The following CSGALNACT1 variants were observed in gnomAD, a reference collection of about 807,000 sequenced individuals.
The protein encoded by CSGALNACT1 is chondroitin sulfate N-acetylgalactosaminyltransferase 1.
Under a neutral mutation model 51.0 loss-of-function variants are expected in CSGALNACT1, and 52 were observed. The observed-to-expected ratio is 1.02, with a 90% confidence interval of 0.82 to 1.29. The LOEUF is 1.29. Among genes scored for constraint, CSGALNACT1 ranks in the 50% most tolerant of loss-of-function variants. CSGALNACT1 has a pLI of 0.00. For missense variants in CSGALNACT1, 935 were observed against 679.2 expected (o/e 1.38, Z -4.19); for synonymous variants, 341 against 254.4 (o/e 1.34, Z -3.24).
intron 1 of CSGALNACT1, among the ~76,000 whole-genome samples, chr8:19,630,031 C>A (rs1452017823): frequency 6.6e-6 from 1 of 152,094 alleles, no homozygotes; most frequent in Admixed American, 6.6e-5. Flanking sequence ...ATGAGTGTAG[C>A]CCCATGGATG....
At position 19,668,705 on chromosome 8, in the gene CSGALNACT1, C is replaced by G. The variant is rs191472064; in HGVS notation, c.-544+13768G>C. ...AAGTAGCTGGCATTAAAGGCGAGCG[C>G]CACCATGCCTGGCTGATTTTTGGAT... On this transcript the variant is annotated intron_variant, in intron 1 of 9. Transcript: ENST00000332246. 1.1e-3 allele frequency among the ~76,000 whole-genome samples: 171 copies of G among 152,256 alleles called. 2 individuals carry two copies. The highest frequency in any genetic ancestry group is 3.5e-3 in the African/African-American group (144 of 41,550).
At chr8:19,508,114 T>A (rs1019626020) in intron 3 of CSGALNACT1, among the ~76,000 whole-genome samples, 2 of 152,214 alleles carry the variant, frequency 1.3e-5, no homozygotes, top group African/African-American at 4.8e-5. Flanking sequence ...TTACTGGTAG[T>A]CTATCCTATT....
intron 1 of CSGALNACT1, among the ~76,000 whole-genome samples, chr8:19,659,260 C>T (rs2058562694): frequency 1.3e-5 from 2 of 152,340 alleles, no homozygotes; most frequent in Non-Finnish European, 2.9e-5. Context: ...GCAAGACTAA[C>T]TCAGCTCCAT....
chr8:19,585,619 A>G (rs78654022), intron 3 of CSGALNACT1, among the ~76,000 whole-genome samples: 2,856 of 152,258 alleles, frequency 0.019, 84 homozygotes, highest in African/African-American at 0.065. Context: ...CTGATTGGTA[A>G]TTGTAAAAAC....
At chr8:19,485,759 C>CTTTTTTTATTTTTTT (rs2072739084) in intron 4 of CSGALNACT1, among the ~76,000 whole-genome samples, 1 of 38,520 alleles carries the variant, frequency 2.6e-5, no homozygotes, top group Non-Finnish European at 4.6e-5. Flanking sequence ...CCTCAGCTTG[C>CTTTTTTTATTTTTTT]TTTTTTTTTT....
intron 1 of CSGALNACT1, among the ~76,000 whole-genome samples, chr8:19,628,883 A>G (rs77024240): frequency 0.11 from 17,278 of 152,152 alleles, 1,070 homozygotes; most frequent in South Asian, 0.16. Context: ...AAGAACACAA[A>G]AAGACAAAGT....
chr8:19,750,778 T>C (rs991735396), intron 1 of CSGALNACT1, among the ~76,000 whole-genome samples: 2 of 152,152 alleles, frequency 1.3e-5, no homozygotes, highest in Admixed American at 6.5e-5. Context: ...ATAGAACAGG[T>C]GCATAAAAAT....
At chr8:19,448,251 T>A (rs1478351594) in intron 5 of CSGALNACT1, among the ~76,000 whole-genome samples, 1 of 152,188 alleles carries the variant, frequency 6.6e-6, no homozygotes, top group Non-Finnish European at 1.5e-5. Context: ...GTCTAGGGAA[T>A]CGTGGATTCA....
rs2047510470 is a variant in CSGALNACT1 at position 19,590,226 on chromosome 8, A to C, written c.-297+934T>G. 1.3e-5 allele frequency among the ~76,000 whole-genome samples: 2 copies of C among 152,202 alleles called. 1 individual carries two copies. The highest frequency in any genetic ancestry group is 4.1e-4 in the South Asian group (2 of 4,830). On this transcript the variant is annotated intron_variant, in intron 3 of 9. Transcript: ENST00000454498. Reference sequence around the variant, plus strand: ...CATCCCAGAAAATTTCTTTTAACTAAATGGATGATTACTAAACTGCGCACT... The same window carrying C: ...CATCCCAGAAAATTTCTTTTAACTACATGGATGATTACTAAACTGCGCACT...
At chr8:19,724,762 A>T (rs140677587) in intron 1 of CSGALNACT1, among the ~76,000 whole-genome samples, 1 of 152,336 alleles carries the variant, frequency 6.6e-6, no homozygotes, top group East Asian at 1.9e-4. Context: ...CAGATACTTG[A>T]GTCCCACAGC....
chr8:19,688,567 C>T (rs1275148673), intron 1 of CSGALNACT1, among the ~76,000 whole-genome samples: 2 of 152,158 alleles, frequency 1.3e-5, no homozygotes, highest in Non-Finnish European at 2.9e-5. Context: ...ATGTCACATA[C>T]ATGATAGAAA....
At chr8:19,481,371 T>G (rs1276815200) in intron 4 of CSGALNACT1, among the ~76,000 whole-genome samples, 1 of 152,132 alleles carries the variant, frequency 6.6e-6, no homozygotes, top group Non-Finnish European at 1.5e-5. Flanking sequence ...GAGTAGAAAT[T>G]ACATCTTATT....
intron 1 of CSGALNACT1, among the ~76,000 whole-genome samples, chr8:19,610,295 A>AAAAG: frequency 6.7e-6 from 1 of 150,368 alleles, no homozygotes; most frequent in African/African-American, 2.4e-5. Flanking sequence ...GTCTCAAAAA[A>AAAAG]AAAAAAAAAA....
chr8:19,507,907 G>A (rs1264610565), intron 3 of CSGALNACT1, among the ~76,000 whole-genome samples: 3 of 152,234 alleles, frequency 2.0e-5, no homozygotes, highest in East Asian at 1.9e-4. Context: ...GATTACAGGC[G>A]TGAGCCGCCG....
intron 1 of CSGALNACT1, among the ~76,000 whole-genome samples, chr8:19,671,936 T>C (rs1051654874): frequency 8.5e-5 from 13 of 152,360 alleles, no homozygotes; most frequent in African/African-American, 3.1e-4. Context: ...GTACCACATA[T>C]GCACCATAAT....
chr8:19,707,517 C>T (rs925259320), intron 1 of CSGALNACT1, among the ~76,000 whole-genome samples: 3 of 152,068 alleles, frequency 2.0e-5, no homozygotes, highest in Non-Finnish European at 4.4e-5. Context: ...TCATTTGAAC[C>T]AGTACATGCC....
chr8:19,415,205 T>G (rs966198344), intron 8 of CSGALNACT1, among the ~76,000 whole-genome samples: 1 of 152,174 alleles, frequency 6.6e-6, no homozygotes, highest in African/African-American at 2.4e-5. Context: ...CTCTCACAAA[T>G]TACTACCAAG....
exon 10 of CSGALNACT1, chr8:19,405,794 T>C (rs1181856545): frequency 6.2e-7 from 1 of 1,614,206 alleles, no homozygotes; most frequent in South Asian, 1.1e-5. Flanking sequence ...GTTTTTTTGC[T>C]ACTTGTCTTC....
intron 1 of CSGALNACT1, among the ~76,000 whole-genome samples, chr8:19,648,626 G>A (rs774176605): frequency 2.0e-5 from 3 of 152,132 alleles, no homozygotes; most frequent in Non-Finnish European, 4.4e-5. Flanking sequence ...TGGGCCACAT[G>A]GTGAAACCCC....
Sources: allele counts gnomAD v4.1 joint callset (sites outside exome capture counted in the v4.1 genomes callset), GRCh38; gene constraint gnomAD v4.1.1; transcripts MANE v1.5; gene names NCBI Gene and HGNC (gene_info 2026-07-23, HGNC 2026-07-21).